Variants in CTXND1 observed in about 807,000 individuals in gnomAD.
CTXND1 encodes the protein cortexin domain containing 1, also known as cortexin domain-containing 1 protein.
At chr15:80,237,351 A>G (rs1410774544) in intron 1 of CTXND1, among the ~76,000 whole-genome samples, 1 of 151,242 alleles carries the variant, frequency 6.6e-6, no homozygotes, top group African/African-American at 2.4e-5. Context: ...AAAAAAAAAA[A>G]AAAAAAGAAA....
intron 1 of CTXND1, among the ~76,000 whole-genome samples, chr15:80,245,078 G>T (rs1893613431): frequency 6.6e-6 from 1 of 152,152 alleles, no homozygotes; most frequent in Non-Finnish European, 1.5e-5. Context: ...TCGGTGTGAG[G>T]ATCAGAGGCA....
intron 1 of CTXND1, among the ~76,000 whole-genome samples, chr15:80,208,145 G>GT (rs58937829): frequency 0.054 from 8,187 of 152,204 alleles, 726 homozygotes; most frequent in African/African-American, 0.19. Flanking sequence ...CTGCAGTATT[G>GT]TAACAGTGAA....
intron 1 of CTXND1, among the ~76,000 whole-genome samples, chr15:80,212,101 T>C (rs1226789226): frequency 6.6e-6 from 1 of 152,180 alleles, no homozygotes; most frequent in Non-Finnish European, 1.5e-5. Context: ...TCACTAGTCC[T>C]GAGGGAGGAA....
At chr15:80,211,806 A>G (rs1893207314) in intron 1 of CTXND1, among the ~76,000 whole-genome samples, 1 of 152,174 alleles carries the variant, frequency 6.6e-6, no homozygotes, top group African/African-American at 2.4e-5. Context: ...CACCATACCA[A>G]TTCTGCTGAA....
At chr15:80,207,013 ATG>A (rs1893154332) in intron 1 of CTXND1, among the ~76,000 whole-genome samples, 1 of 152,168 alleles carries the variant, frequency 6.6e-6, no homozygotes. Context: ...CTTGAAGGGA[ATG>A]TATATTTTTC....
rs1459779685 is a variant in CTXND1 at position 80,195,992 on chromosome 15, G to C, written c.*5778C>G. Reference sequence around the variant, plus strand: ...TGGCAGAGAAAGAGATCACTGCACTGTCAGGATGGTTAACCCCAATATCCA... The same window carrying C: ...TGGCAGAGAAAGAGATCACTGCACTCTCAGGATGGTTAACCCCAATATCCA... On this transcript the variant is annotated 3_prime_UTR_variant, in exon 3 of 3. Coordinates refer to ENST00000560778, the MANE Select transcript of CTXND1 (RefSeq NM_001352888.2). The C allele has an allele frequency of 1.3e-5, 2 of 152,162 alleles. No homozygotes were observed. The highest frequency in any genetic ancestry group is 1.9e-4 in the East Asian group (1 of 5,196). The allele number at this position is 152,162 out of a possible 1,614,324, so 9.4% of individuals were successfully genotyped here. A position where few individuals can be genotyped will look rare whatever the true frequency, so the allele number is the denominator to read the frequency against.
At position 80,199,497 on chromosome 15, in the gene CTXND1, G is replaced by A. The variant is rs2041437736; in HGVS notation, c.*2273C>T. ...GTTCTAGTTTGCATTGTAAATGCAT[G>A]CTGATGAGCTTTTCACAGAAATGCC... is the stretch of plus-strand genomic sequence containing the variant. On this transcript the variant is annotated 3_prime_UTR_variant, in exon 3 of 3. Coordinates refer to ENST00000560778, the MANE Select transcript of CTXND1 (RefSeq NM_001352888.2). 1 of 152,272 alleles carries A rather than the reference G, an allele frequency of 6.6e-6. No individual in the cohort carries two copies. Among genetic ancestry groups the A allele is most frequent in the African/African-American group, 2.4e-5 (1 of 41,458 alleles). The allele number at this position is 152,272 out of a possible 1,614,324, so 9.4% of individuals were successfully genotyped here.
At chr15:80,250,306 G>C (rs1893678942) in intron 1 of CTXND1, among the ~76,000 whole-genome samples, 1 of 152,000 alleles carries the variant, frequency 6.6e-6, no homozygotes, top group Non-Finnish European at 1.5e-5. Context: ...TTATAAGCAA[G>C]CAGCAATTGA....
intron 1 of CTXND1, among the ~76,000 whole-genome samples, chr15:80,243,197 A>G (rs1488549644): frequency 6.6e-6 from 1 of 152,184 alleles, no homozygotes; most frequent in Non-Finnish European, 1.5e-5. Context: ...AGGGTCTCCT[A>G]CAGGGCCTAG....
At chr15:80,239,521 A>G (rs1893540754) in intron 1 of CTXND1, among the ~76,000 whole-genome samples, 1 of 152,170 alleles carries the variant, frequency 6.6e-6, no homozygotes, top group Non-Finnish European at 1.5e-5. Context: ...CTCCCTGCCT[A>G]CATCTTTCTC....
Position 80,195,941 on chromosome 15 carries a change from A to G in CTXND1, c.*5829T>C, listed in dbSNP as rs1369616678. Reference sequence around the variant, plus strand: ...TTAAATTGGAAGATGATCTTGTGCCATCTGGGGCTCCTTATGTTGAAATAT... The same window carrying G: ...TTAAATTGGAAGATGATCTTGTGCCGTCTGGGGCTCCTTATGTTGAAATAT... On this transcript the variant is annotated 3_prime_UTR_variant, in exon 3 of 3. Coordinates refer to ENST00000560778, the MANE Select transcript of CTXND1 (RefSeq NM_001352888.2). 1 of 152,198 alleles carries G rather than the reference A, an allele frequency of 6.6e-6. No individual in the cohort carries two copies. The highest frequency in any genetic ancestry group is 1.5e-5 in the Non-Finnish European group (1 of 68,050). The allele number at this position is 152,198 out of a possible 1,614,324, so 9.4% of individuals were successfully genotyped here.
At chr15:80,243,855 A>G (rs1893598852) in intron 1 of CTXND1, among the ~76,000 whole-genome samples, 1 of 152,164 alleles carries the variant, frequency 6.6e-6, no homozygotes, top group South Asian at 2.1e-4. Flanking sequence ...ACCAGCTTAG[A>G]TGGTGTAGTC....
intron 1 of CTXND1, among the ~76,000 whole-genome samples, chr15:80,240,323 T>A (rs1013637079): frequency 2.0e-5 from 3 of 152,200 alleles, no homozygotes; most frequent in African/African-American, 7.2e-5. Flanking sequence ...CCATAAAACC[T>A]GAATTTGCCC....
chr15:80,233,237 C>T (rs1893452727), intron 1 of CTXND1, among the ~76,000 whole-genome samples: 1 of 152,134 alleles, frequency 6.6e-6, no homozygotes, highest in South Asian at 2.1e-4. Flanking sequence ...CTGTGCCTGG[C>T]CAATGCAACT....
intron 1 of CTXND1, among the ~76,000 whole-genome samples, chr15:80,226,909 G>A (rs1181951994): frequency 6.6e-6 from 1 of 152,178 alleles, no homozygotes; most frequent in African/African-American, 2.4e-5. Context: ...AAAGAGTGAA[G>A]AGAAGGAAAA....
intron 1 of CTXND1, among the ~76,000 whole-genome samples, chr15:80,250,698 C>T (rs562953140): frequency 2.0e-5 from 3 of 152,188 alleles, no homozygotes; most frequent in African/African-American, 7.2e-5. Flanking sequence ...GCTTTTCCTC[C>T]GTAATGCCTC....
Position 80,212,148 on chromosome 15 carries a change from A to G in CTXND1, c.-217-8408T>C, listed in dbSNP as rs555434960. Among the ~76,000 whole-genome samples, 217 of 152,304 alleles carry G rather than the reference A, an allele frequency of 1.4e-3. 1 individual carries two copies. The highest frequency in any genetic ancestry group is 4.9e-3 in the African/African-American group (204 of 41,566). Reference sequence around the variant, plus strand: ...TGTAATTTACACTACAGAGCACCACAGGATCAGGCTGAGACTTGCCCTTCA... The same window carrying G: ...TGTAATTTACACTACAGAGCACCACGGGATCAGGCTGAGACTTGCCCTTCA... On this transcript the variant is annotated intron_variant, in intron 1 of 2. Transcript: ENST00000560778.
intron 1 of CTXND1, among the ~76,000 whole-genome samples, chr15:80,247,125 T>C (rs532556271): frequency 5.9e-5 from 9 of 152,276 alleles, no homozygotes; most frequent in Admixed American, 2.0e-4. Context: ...GAGTTAAGAT[T>C]TGAAGACAGG....
intron 1 of CTXND1, among the ~76,000 whole-genome samples, chr15:80,205,941 T>A (rs1893143266): frequency 6.6e-6 from 1 of 152,070 alleles, no homozygotes; most frequent in South Asian, 2.1e-4. Flanking sequence ...AATCAAGTTA[T>A]CCTTTATTTT....
Sources: gnomAD v4.1 joint callset for allele counts (sites outside exome capture counted in the v4.1 genomes callset) on GRCh38, gnomAD v4.1.1 for gene constraint, MANE v1.5 for transcripts, NCBI Gene and HGNC (gene_info 2026-07-23, HGNC 2026-07-21) for gene names.